The following CCNA2 variants were observed in gnomAD, a reference collection of about 807,000 sequenced individuals.
CCNA2 encodes cyclin A2.
Under a neutral mutation model 49.4 loss-of-function variants are expected in CCNA2, and 3 were observed. The ratio of observed to expected loss-of-function variants is 0.06; its 90% CI spans 0.03 to 0.16. CCNA2 has a LOEUF of 0.16. Among genes scored for constraint, CCNA2 ranks in the 10% least tolerant of loss-of-function variants. CCNA2 has a pLI of 1.00. For missense variants in CCNA2, 372 were observed against 519.7 expected (o/e 0.72, Z 2.76); for synonymous variants, 206 against 197.2 (o/e 1.04, Z -0.37).
Position 121,816,630 on chromosome 4 carries a change from T to C in CCNA2, c.*1008A>G, listed in dbSNP as rs1724524644. 1.1e-6 allele frequency: 1 copy of C among 903,518 alleles called. No individual in the cohort carries two copies. The allele number at this position is 903,518 out of a possible 1,614,324, so 56.0% of individuals were successfully genotyped here. On this transcript the variant is annotated 3_prime_UTR_variant, in exon 8 of 8. Transcript: ENST00000274026. ...ATTTATAAAAATTAGGACCTAAATC[T>C]ATAATATAAACTTCTTGGATGCCAG...
chr4:121,818,637 TCA>T (rs1488604763), intron 6 of CCNA2, among the ~76,000 whole-genome samples, 161 bp downstream of exon 6: 3 of 152,248 alleles, frequency 2.0e-5, no homozygotes, highest in African/African-American at 2.4e-5. Flanking sequence ...GTAAGTGGAC[TCA>T]CACAGTTCAA....
chr4:121,816,785 A>G lies in CCNA2; in HGVS notation c.*853T>C. 6.3e-7 allele frequency: 1 copy of G among 1,598,242 alleles called. No individual in the cohort carries two copies. The highest frequency in any genetic ancestry group is 8.5e-7 in the Non-Finnish European group (1 of 1,172,910). The stretch of plus-strand genomic sequence containing the variant: ...CTTTATTCACAGAACACAGACCACC[A>G]GTGCAAAACAAGAAAAAGCACCAAG... On this transcript the variant is annotated 3_prime_UTR_variant, in exon 8 of 8. Coordinates refer to ENST00000274026, the MANE Select transcript of CCNA2 (RefSeq NM_001237.5).
chr4:121,820,897 A>C lies in CCNA2; in HGVS notation c.570+82T>G, dbSNP rs1298952647. On this transcript the variant is annotated intron_variant, in intron 3 of 7. Coordinates refer to ENST00000274026, the MANE Select transcript of CCNA2 (RefSeq NM_001237.5). The surrounding 1 kb of genome is among the most constrained non-coding windows in gnomAD (Gnocchi z 4.1). ...AGCATTAGAATAATTCATTAGTTTA[A>C]AAATTTAAACATTATCCTCTCAATT... 2 of 1,369,780 alleles carry C rather than the reference A, an allele frequency of 1.5e-6. No homozygotes were observed. Among genetic ancestry groups the C allele is most frequent in the African/African-American group, 2.9e-5 (2 of 69,204 alleles). 84.9% of individuals were successfully genotyped at this position (1,369,780 alleles called of 1,614,324 possible). A position where few individuals can be genotyped will look rare whatever the true frequency, so the allele number is the denominator to read the frequency against.
chr4:121,818,792 A>G lies in CCNA2; in HGVS notation c.1116+8T>C, dbSNP rs1724616658. On this transcript the variant is annotated splice_region_variant and intron_variant, in intron 6 of 7. Coordinates refer to ENST00000274026, the MANE Select transcript of CCNA2 (RefSeq NM_001237.5). ...ACAAGATAGGTGTGTGAAGACCGTA[A>G]TACATACCCAGCTTTGTCCCGTGAC... The G allele has an allele frequency of 6.4e-7, 1 of 1,555,086 alleles. No individual in the cohort carries two copies. The highest frequency in any genetic ancestry group is 1.4e-5 in the African/African-American group (1 of 73,758).
At position 121,823,839 on chromosome 4, in the gene CCNA2, G is replaced by C; in HGVS notation, c.-211C>G. The C allele has an allele frequency of 6.9e-6, 6 of 873,608 alleles. No homozygotes were observed. Among genetic ancestry groups the C allele is most frequent in the Non-Finnish European group, 9.8e-6 (6 of 610,478 alleles). The allele number at this position is 873,608 out of a possible 1,614,324, so 54.1% of individuals were successfully genotyped here. A position where few individuals can be genotyped will look rare whatever the true frequency, so the allele number is the denominator to read the frequency against. Reference sequence around the variant, plus strand: ...GAAAGGCGCAGGCAGGCACTGCCCAGCGTGGCGAGCCAAAGACGCCCAGAG... The same window carrying C: ...GAAAGGCGCAGGCAGGCACTGCCCACCGTGGCGAGCCAAAGACGCCCAGAG... On this transcript the variant is annotated 5_prime_UTR_variant, in exon 1 of 8. Transcript: ENST00000274026.
chr4:121,818,207 G>A, intron 6 of CCNA2, 30 bp from the exon 7 acceptor site: 2 of 1,596,288 alleles, frequency 1.3e-6, no homozygotes, highest in South Asian at 1.1e-5. Flanking sequence ...GAACCCCTGA[G>A]TTTTGCTTTT....
At chr4:121,818,321 A>T in intron 6 of CCNA2, 144 bp from the exon 7 acceptor site, 1 of 740,586 alleles carries the variant, frequency 1.4e-6, no homozygotes, top group Non-Finnish European at 2.2e-6. Context: ...CCATTATTCC[A>T]TCCCTCGATC....
Position 121,817,532 on chromosome 4 carries a change from A to G in CCNA2, c.*106T>C. 7.2e-7 allele frequency: 1 copy of G among 1,392,376 alleles called. No homozygotes were observed. Among genetic ancestry groups the G allele is most frequent in the Non-Finnish European group, 9.9e-7 (1 of 1,010,688 alleles). 86.3% of individuals were successfully genotyped at this position (1,392,376 alleles called of 1,614,324 possible). On this transcript the variant is annotated 3_prime_UTR_variant, in exon 8 of 8. Coordinates refer to ENST00000274026, the MANE Select transcript of CCNA2 (RefSeq NM_001237.5). ...ATACCATAATTTGTACTTGGCCACA[A>G]CTTCTGTATTCAGAAATGATTGTAA...
Position 121,823,471 on chromosome 4 carries a change from A to C in CCNA2, c.158T>G (p.Leu53Arg). The C allele has an allele frequency of 6.2e-7, 1 of 1,613,470 alleles. No homozygotes were observed. Among genetic ancestry groups the C allele is most frequent in the Non-Finnish European group, 8.5e-7 (1 of 1,179,864 alleles). Residue 53 changes from leucine to arginine, a missense_variant, in exon 1 of 8, where the codon CTG becomes CGG. Transcript: ENST00000274026. The part of the protein sequence containing the change: ...QPRTRAALAV[L>R]KSGNPRGLAQ... ...TAGACCCCGCGGGTTCCCGGACTTC[A>C]GTACCGCCAGCGCGGCCCGGGTCCG... is the stretch of plus-strand genomic sequence containing the variant.
chr4:121,819,036 C>CTCA lies in CCNA2; in HGVS notation c.1003-126_1003-124dup, dbSNP rs1379777721. The stretch of plus-strand genomic sequence containing the variant: ...TCTGTAGCAACTCTAGAAAAAATAT[C>CTCA]TCACAGCCTCATCTTTAAACATATC... On this transcript the variant is annotated intron_variant, in intron 5 of 7. Transcript: ENST00000274026. The CTCA allele has an allele frequency of 6.1e-6, 4 of 651,346 alleles. No individual in the cohort carries two copies. In the African/African-American group the frequency reaches 7.3e-5, roughly 12 times the overall value. 40.3% of individuals were successfully genotyped at this position (651,346 alleles called of 1,614,324 possible).
chr4:121,816,522 C>G lies in CCNA2; in HGVS notation c.*1116G>C. 5 of 987,648 alleles carry G rather than the reference C, an allele frequency of 5.1e-6. No individual in the cohort carries two copies. The East Asian group carries it at 1.3e-4, about 25-fold the overall frequency. The allele number at this position is 987,648 out of a possible 1,614,324, so 61.2% of individuals were successfully genotyped here. On this transcript the variant is annotated 3_prime_UTR_variant, in exon 8 of 8. Transcript: ENST00000274026. The stretch of plus-strand genomic sequence containing the variant: ...TAGAGGTTTGCTCTCTGGTTTTACT[C>G]TCATCTTGCCACATGACTATAAACA...
rs769238 is a variant in CCNA2 at position 121,823,787 on chromosome 4, G to A, written c.-159C>T. 0.3 allele frequency: 415,118 copies of A among 1,369,098 alleles called. 64,776 individuals are homozygous for A. The highest frequency in any genetic ancestry group is 0.32 in the South Asian group (20,956 of 65,778). The allele number at this position is 1,369,098 out of a possible 1,614,324, so 84.8% of individuals were successfully genotyped here. On this transcript the variant is annotated 5_prime_UTR_variant, in exon 1 of 8. Transcript: ENST00000274026. ...GCCCGCCCGCTCGCTCACCCAGCTC[G>A]AGACCACGCAGGGCCGAGGAGGTTG...
Position 121,817,523 on chromosome 4 carries a change from T to C in CCNA2, c.*115A>G. The C allele has an allele frequency of 7.9e-7, 1 of 1,262,650 alleles. No individual in the cohort carries two copies. Among genetic ancestry groups the C allele is most frequent in the East Asian group, 2.3e-5 (1 of 42,740 alleles). 78.2% of individuals were successfully genotyped at this position (1,262,650 alleles called of 1,614,324 possible). On this transcript the variant is annotated 3_prime_UTR_variant, in exon 8 of 8. Coordinates refer to ENST00000274026, the MANE Select transcript of CCNA2 (RefSeq NM_001237.5). Reference sequence around the variant, plus strand: ...AAGTAATAGATACCATAATTTGTACTTGGCCACAACTTCTGTATTCAGAAA... The same window carrying C: ...AAGTAATAGATACCATAATTTGTACCTGGCCACAACTTCTGTATTCAGAAA...
rs1047510173 is a variant in CCNA2 at position 121,820,029 on chromosome 4, C to T, written c.795-450G>A. Among the ~76,000 whole-genome samples the T allele has an allele frequency of 1.3e-5, 2 of 151,376 alleles. No individual in the cohort carries two copies. Among genetic ancestry groups the T allele is most frequent in the South Asian group, 4.2e-4 (2 of 4,806 alleles). ...AATCTTAGCTCGCTGCAACTTCCACCTCCTGGGTTCAAGCGATTCTCTTGC... is the reference window on the plus strand; with the variant it reads ...AATCTTAGCTCGCTGCAACTTCCACTTCCTGGGTTCAAGCGATTCTCTTGC... On this transcript the variant is annotated intron_variant, in intron 4 of 7. Coordinates refer to ENST00000274026, the MANE Select transcript of CCNA2 (RefSeq NM_001237.5). The surrounding 1 kb of genome is among the most constrained non-coding windows in gnomAD (Gnocchi z 4.1).
chr4:121,822,705 G>C, intron 1 of CCNA2, 59 bp from the exon 2 acceptor site: 2 of 1,541,876 alleles, frequency 1.3e-6, no homozygotes, highest in Non-Finnish European at 1.7e-6. Flanking sequence ...TTCTCTTATG[G>C]GTGTTGGCCT....
chr4:121,821,751 G>A (rs1724698216), intron 2 of CCNA2, among the ~76,000 whole-genome samples: 1 of 152,068 alleles, frequency 6.6e-6, no homozygotes, highest in African/African-American at 2.4e-5. Context: ...GACTTTTCCT[G>A]CTCACCCCTC....
chr4:121,823,876 A>C lies in CCNA2; in HGVS notation c.-248T>G, dbSNP rs951667838. The C allele has an allele frequency of 6.8e-6, 4 of 587,332 alleles. No homozygotes were observed. The highest frequency in any genetic ancestry group is 6.0e-5 in the African/African-American group (3 of 50,218). 36.4% of individuals were successfully genotyped at this position (587,332 alleles called of 1,614,324 possible). A position where few individuals can be genotyped will look rare whatever the true frequency, so the allele number is the denominator to read the frequency against. On this transcript the variant is annotated 5_prime_UTR_variant, in exon 1 of 8. Transcript: ENST00000274026. Reference sequence around the variant, plus strand: ...AAAGACGCCCAGAGATGCAGCGAGCAGCCCGCCGGAGCGGCGGCTGTTCTT... The same window carrying C: ...AAAGACGCCCAGAGATGCAGCGAGCCGCCCGCCGGAGCGGCGGCTGTTCTT...
chr4:121,818,722 T>G, intron 6 of CCNA2, 78 bp downstream of exon 6: 2 of 937,330 alleles, frequency 2.1e-6, no homozygotes, highest in South Asian at 2.8e-5. Context: ...CAACCCTCAG[T>G]TTTGTAGGAC....
Position 121,817,119 on chromosome 4 carries a change from AAG to A in CCNA2, c.*517_*518del. 2.8e-6 allele frequency: 1 copy of A among 358,220 alleles called. No individual in the cohort carries two copies. Among genetic ancestry groups the A allele is most frequent in the Non-Finnish European group, 5.0e-6 (1 of 198,876 alleles). The allele number at this position is 358,220 out of a possible 1,614,324, so 22.2% of individuals were successfully genotyped here. On this transcript the variant is annotated 3_prime_UTR_variant, in exon 8 of 8. Transcript: ENST00000274026. The stretch of plus-strand genomic sequence containing the variant: ...AAAACCTAAACAAACAGGTTTTACA[AAG>A]AGCGAAAAAGTCTGGGGAATCTCTA...
Sources: allele counts gnomAD v4.1 joint callset (sites outside exome capture counted in the v4.1 genomes callset), GRCh38; gene constraint gnomAD v4.1.1; non-coding constraint Gnocchi (gnomAD v3.1); transcripts MANE v1.5; gene names NCBI Gene and HGNC (gene_info 2026-07-23, HGNC 2026-07-21).